SOS2: variants seen among roughly 807,000 people sequenced by gnomAD.
SOS2 encodes son of sevenless homolog 2.
A neutral mutation model predicts 148.2 loss-of-function variants in SOS2; 65 were observed. The observed-to-expected ratio is 0.44, with a 90% CI of 0.36 to 0.54. The LOEUF is 0.54. Ranked by LOEUF, SOS2 falls within the 20% of genes least tolerant of loss-of-function variation. The pLI, the probability that SOS2 is intolerant of heterozygous loss-of-function variation, is 0.00. For synonymous variants in SOS2, 539 were observed against 537.1 expected (o/e 1.00, Z -0.05); for missense variants, 1,341 against 1,590.2 (o/e 0.84, Z 2.67).
intron 4 of SOS2, among the ~76,000 whole-genome samples, chr14:50,195,361 CA>C (rs1409617834): frequency 6.6e-6 from 1 of 152,106 alleles, no homozygotes; most frequent in Non-Finnish European, 1.5e-5. Flanking sequence ...AGCAATATAA[CA>C]AGGGGATCTG....
At chr14:50,190,874 A>C (rs1595009426) in intron 4 of SOS2, among the ~76,000 whole-genome samples, 1 of 152,194 alleles carries the variant, frequency 6.6e-6, no homozygotes, top group Non-Finnish European at 1.5e-5. Context: ...AAGGCTACAC[A>C]GGGAATTTGG....
chr14:50,188,968 G>T (rs1886015833), intron 4 of SOS2, among the ~76,000 whole-genome samples: 1 of 151,314 alleles, frequency 6.6e-6, no homozygotes, highest in Non-Finnish European at 1.5e-5. Flanking sequence ...GGAGGCTGAG[G>T]CAGGAGAATT....
intron 8 of SOS2, among the ~76,000 whole-genome samples, chr14:50,174,245 C>T (rs1391026943): frequency 6.6e-6 from 1 of 152,028 alleles, no homozygotes; most frequent in Non-Finnish European, 1.5e-5. Context: ...AAGAATACAA[C>T]ACTGCACAGA....
At chr14:50,184,601 A>G (rs1375958948) in intron 5 of SOS2, among the ~76,000 whole-genome samples, 1 of 152,078 alleles carries the variant, frequency 6.6e-6, no homozygotes, top group East Asian at 1.9e-4. Context: ...CTCATGAGAA[A>G]AAGAAAAAGG....
intron 1 of SOS2, among the ~76,000 whole-genome samples, chr14:50,230,243 A>AT (rs1289333656): frequency 6.6e-6 from 1 of 152,120 alleles, no homozygotes; most frequent in Non-Finnish European, 1.5e-5. Flanking sequence ...ATTAATCTTT[A>AT]TTTTTTCCTT....
chr14:50,118,975 G>T, intron 22 of SOS2, 122 bp from the exon 23 acceptor site: 1 of 565,832 alleles, frequency 1.8e-6, no homozygotes, highest in Non-Finnish European at 2.9e-6. Flanking sequence ...ACTAATCTGG[G>T]TTAATTATCA....
At chr14:50,135,057 G>T (rs1399333878) in intron 18 of SOS2, among the ~76,000 whole-genome samples, 4 of 113,380 alleles carry the variant, frequency 3.5e-5, no homozygotes, top group African/African-American at 1.4e-4. Context: ...TGGGCAACAA[G>T]AGCGAGACTG....
intron 5 of SOS2, among the ~76,000 whole-genome samples, chr14:50,188,192 C>T (rs967547351): frequency 4.6e-5 from 7 of 152,224 alleles, no homozygotes; most frequent in Non-Finnish European, 7.3e-5. Context: ...CACTTGAGGT[C>T]GGCAGTTTGA....
intron 21 of SOS2, among the ~76,000 whole-genome samples, chr14:50,122,211 C>CT: frequency 6.6e-6 from 1 of 151,948 alleles, no homozygotes. Context: ...GTTCCTTGCT[C>CT]TTTTTTGGAA....
chr14:50,172,840 C>T (rs1258588718), intron 8 of SOS2, among the ~76,000 whole-genome samples: 5 of 152,118 alleles, frequency 3.3e-5, no homozygotes, highest in Non-Finnish European at 7.3e-5. Flanking sequence ...AAAGTGAGCA[C>T]GTGAAAGATG....
chr14:50,129,438 G>GT (rs879732941), intron 21 of SOS2, among the ~76,000 whole-genome samples: 8 of 152,202 alleles, frequency 5.3e-5, no homozygotes, highest in Non-Finnish European at 1.2e-4. Context: ...AGGCTGGAGT[G>GT]TGGTGGCCTG....
intron 4 of SOS2, among the ~76,000 whole-genome samples, chr14:50,196,574 C>A (rs1208487895): frequency 6.6e-6 from 1 of 152,060 alleles, no homozygotes; most frequent in African/African-American, 2.4e-5. Flanking sequence ...ACTCCAGCTA[C>A]CTTTCCTAGC....
chr14:50,199,238 G>A (rs556735630), intron 4 of SOS2, among the ~76,000 whole-genome samples: 1 of 152,250 alleles, frequency 6.6e-6, no homozygotes, highest in Admixed American at 6.5e-5. Context: ...GTAGCTTACA[G>A]CCAGGAAAGA....
At chr14:50,131,711 T>C (rs1337118881) in intron 19 of SOS2, among the ~76,000 whole-genome samples, 1 of 152,102 alleles carries the variant, frequency 6.6e-6, no homozygotes, top group Non-Finnish European at 1.5e-5. Flanking sequence ...AGAAGAATGG[T>C]GAGATCACTA....
rs1000805355 is a variant in SOS2 at position 50,220,116 on chromosome 14, T to C, written c.87+11081A>G. ...TGTCATTAAAAGAACAGACCCTGCA[T>C]TGGGCCAGGCGCGGTGGCTCACGCC... On this transcript the variant is annotated intron_variant, in intron 1 of 22. Transcript: ENST00000216373. Among the ~76,000 whole-genome samples the C allele has an allele frequency of 3.3e-5, 5 of 151,412 alleles. No individual in the cohort carries two copies. In the East Asian group the frequency reaches 9.7e-4, roughly 29 times the overall value.
chr14:50,191,185 C>A (rs766793606), intron 4 of SOS2, among the ~76,000 whole-genome samples: 1 of 152,014 alleles, frequency 6.6e-6, no homozygotes, highest in South Asian at 2.1e-4. Flanking sequence ...ACTCTCAGGG[C>A]GAGGCATGGT....
Position 50,159,813 on chromosome 14 carries a change from T to G in SOS2, c.1470A>C (p.Glu490Asp). 1 of 1,614,188 alleles carries G rather than the reference T, an allele frequency of 6.2e-7. No homozygotes were observed. The highest frequency in any genetic ancestry group is 8.5e-7 in the Non-Finnish European group (1 of 1,180,028). Residue 490 changes from glutamate (E) to aspartate (D), a missense_variant, in exon 10 of 23, where the codon GAA becomes GAC. Coordinates refer to ENST00000216373, the MANE Select transcript of SOS2 (RefSeq NM_006939.4). ...GYSSAEYRLKEKFVMRKIQIC... is the reference protein window; with the variant it reads ...GYSSAEYRLKDKFVMRKIQIC... Reference sequence around the variant, plus strand: ...TTTGTATTTTCCTCATGACAAATTTTTCTTTTAACCTGTATTCTGCACTAC... The same window carrying G: ...TTTGTATTTTCCTCATGACAAATTTGTCTTTTAACCTGTATTCTGCACTAC...
intron 7 of SOS2, 82 bp from the exon 8 acceptor site, chr14:50,174,634 T>TA: frequency 1.6e-6 from 1 of 619,950 alleles, no homozygotes. Flanking sequence ...AAACGTCTAC[T>TA]AAAAATTTGA....
intron 1 of SOS2, among the ~76,000 whole-genome samples, chr14:50,205,640 T>TA (rs1018115309): frequency 8.9e-4 from 136 of 152,240 alleles, no homozygotes; most frequent in African/African-American, 3.2e-3. Flanking sequence ...ATGAGAGTTT[T>TA]AAAAAATTAG....
Sources: gnomAD v4.1 joint callset for allele counts (sites outside exome capture counted in the v4.1 genomes callset) on GRCh38, gnomAD v4.1.1 for gene constraint, MANE v1.5 for transcripts, NCBI Gene and HGNC (gene_info 2026-07-23, HGNC 2026-07-21) for gene names.